SIL1: variants seen among roughly 807,000 people sequenced by gnomAD.
The protein encoded by SIL1 is nucleotide exchange factor SIL1.
SIL1 carries 40 observed loss-of-function variants against 49.1 expected under a neutral mutation model. The observed-to-expected ratio is 0.81, with a 90% CI of 0.63 to 1.06. The LOEUF (loss-of-function observed/expected upper bound fraction) is 1.06, where lower values mean the gene tolerates loss of function less well. Ranked by LOEUF, SIL1 falls within the 50% of genes least tolerant of loss-of-function variation. SIL1 has a pLI of 0.00. For missense variants in SIL1, 500 were observed against 572.6 expected, an observed-to-expected ratio of 0.87 and a Z score of 1.29; for synonymous variants, 253 against 250.8, an observed-to-expected ratio of 1.01 and a Z score of -0.08.
At chr5:138,953,809 C>A (rs1233177101) in intron 7 of SIL1, among the ~76,000 whole-genome samples, 1 of 152,182 alleles carries the variant, frequency 6.6e-6, no homozygotes, top group Non-Finnish European at 1.5e-5. Flanking sequence ...GAGAAGACGA[C>A]CACGCTGAGA....
chr5:138,985,585 G>A (rs1216042686), intron 7 of SIL1, among the ~76,000 whole-genome samples: 1 of 152,158 alleles, frequency 6.6e-6, no homozygotes, highest in Non-Finnish European at 1.5e-5. Context: ...GGAACTCAGG[G>A]CACACTTCTC....
In SIL1 at chr5:139,021,093, C is replaced by G; in HGVS notation, c.767+78G>C. 8 of 1,580,552 alleles carry G rather than the reference C, an allele frequency of 5.1e-6. 1 individual carries two copies. The South Asian group carries it at 8.9e-5, about 17-fold the overall frequency. On this transcript the variant is annotated intron_variant, in intron 7 of 9. Coordinates refer to ENST00000394817, the MANE Select transcript of SIL1 (RefSeq NM_022464.5). The stretch of plus-strand genomic sequence containing the variant: ...ACACTGAAATGTCAGTAGCAACAGG[C>G]ACATTCAAGTGTACCCTTCTTCCAA...
intron 1 of SIL1, among the ~76,000 whole-genome samples, chr5:139,172,769 G>A (rs756845027): frequency 2.4e-4 from 37 of 152,074 alleles, no homozygotes; most frequent in Non-Finnish European, 4.1e-4. Context: ...GATGGCAGCC[G>A]CAATGGCTGC....
At chr5:138,969,060 C>T (rs1767214492) in intron 7 of SIL1, among the ~76,000 whole-genome samples, 1 of 152,100 alleles carries the variant, frequency 6.6e-6, no homozygotes, top group Admixed American at 6.6e-5. Context: ...CTAGGAATGT[C>T]TGTATTTGCT....
chr5:139,132,971 T>G (rs1354418000), intron 1 of SIL1, among the ~76,000 whole-genome samples: 1 of 152,146 alleles, frequency 6.6e-6, no homozygotes, highest in Non-Finnish European at 1.5e-5. Flanking sequence ...AGGCACAGTT[T>G]GGCACACCTG....
intron 1 of SIL1, chr5:139,187,713 A>AAC (rs1554138117): frequency 6.6e-6 from 1 of 151,704 alleles, no homozygotes; most frequent in East Asian, 1.9e-4. Flanking sequence ...TTGGAACACC[A>AAC]ACAACCTGAT....
In SIL1 at chr5:139,055,237, T is replaced by C. The variant is rs560410772; in HGVS notation, c.245-4191A>G. On this transcript the variant is annotated intron_variant, in intron 3 of 9. Transcript: ENST00000394817. ...CCATATTAAGCAGAAGCCCTGTCCATATTGAGTAAGGCCACCTCATGCTTG... is the reference window on the plus strand; with the variant it reads ...CCATATTAAGCAGAAGCCCTGTCCACATTGAGTAAGGCCACCTCATGCTTG... Among the ~76,000 whole-genome samples the C allele has an allele frequency of 6.5e-4, 99 of 152,268 alleles. 1 individual carries two copies. Among genetic ancestry groups the C allele is most frequent in the African/African-American group, 2.4e-3 (98 of 41,568 alleles).
intron 2 of SIL1, among the ~76,000 whole-genome samples, chr5:139,126,143 T>C (rs1274015489): frequency 6.6e-6 from 1 of 152,228 alleles, no homozygotes; most frequent in East Asian, 1.9e-4. Flanking sequence ...TTTTATGGTA[T>C]GAGAGAAAAG....
At chr5:139,134,059 G>A (rs1750922714) in intron 1 of SIL1, among the ~76,000 whole-genome samples, 1 of 152,146 alleles carries the variant, frequency 6.6e-6, no homozygotes, top group Admixed American at 6.5e-5. Flanking sequence ...ATAAAGCAAT[G>A]AATAGGAAGT....
chr5:139,107,117 G>T lies in SIL1; in HGVS notation c.244+13918C>A, dbSNP rs1248763340. 2.0e-5 allele frequency among the ~76,000 whole-genome samples: 3 copies of T among 152,182 alleles called. No homozygotes were observed. In the East Asian group the frequency reaches 5.8e-4, roughly 29 times the overall value. ...GCCCCGCTGCAGGATCTGATCTGGG[G>T]TGTGTGTCTGCATTGCTATCTGACC... On this transcript the variant is annotated intron_variant, in intron 3 of 9. Transcript: ENST00000394817.
intron 1 of SIL1, among the ~76,000 whole-genome samples, chr5:139,148,822 C>G (rs1262878367): frequency 4.6e-5 from 7 of 152,178 alleles, no homozygotes; most frequent in African/African-American, 1.4e-4. Flanking sequence ...ATCACTCAGC[C>G]CCTTCCTACA....
At chr5:139,187,497 A>T (rs1752095974) in intron 1 of SIL1, among the ~76,000 whole-genome samples, 1 of 150,942 alleles carries the variant, frequency 6.6e-6, no homozygotes, top group Admixed American at 6.6e-5. Flanking sequence ...AGCCTGGGGC[A>T]ACAGAGCAAG....
chr5:138,992,126 A>G (rs559295713), intron 7 of SIL1, among the ~76,000 whole-genome samples: 36 of 152,340 alleles, frequency 2.4e-4, no homozygotes, highest in South Asian at 2.1e-3. Flanking sequence ...TCACTACACG[A>G]CTATGGGTGC....
intron 2 of SIL1, among the ~76,000 whole-genome samples, chr5:139,125,541 A>G (rs1429717275): frequency 6.6e-6 from 1 of 152,206 alleles, no homozygotes; most frequent in Non-Finnish European, 1.5e-5. Context: ...AAACCATAGA[A>G]GCAGCATCCC....
intron 1 of SIL1, among the ~76,000 whole-genome samples, chr5:139,178,479 A>C (rs938249421): frequency 6.6e-6 from 1 of 152,018 alleles, no homozygotes; most frequent in Non-Finnish European, 1.5e-5. Flanking sequence ...CTCCAACCTC[A>C]GCTGGCTCCT....
intron 7 of SIL1, among the ~76,000 whole-genome samples, chr5:138,997,023 C>A (rs920422228): frequency 2.6e-5 from 4 of 152,150 alleles, no homozygotes; most frequent in African/African-American, 9.7e-5. Flanking sequence ...ACCTTGAATT[C>A]CAGGGCTCAA....
chr5:139,165,364 T>C lies in SIL1; in HGVS notation c.-11+32905A>G, dbSNP rs149652887. 2.6e-5 allele frequency among the ~76,000 whole-genome samples: 4 copies of C among 152,322 alleles called. No individual in the cohort carries two copies. In the East Asian group the frequency reaches 7.7e-4, roughly 29 times the overall value. On this transcript the variant is annotated intron_variant, in intron 1 of 9. Transcript: ENST00000394817. ...ATGTATTTCTTGTTTGTTTGTTTTT[T>C]TGAGATGGAGTTTCATTCTTGTTGC... is the stretch of plus-strand genomic sequence containing the variant.
At chr5:139,072,315 G>A (rs1030414501) in intron 3 of SIL1, among the ~76,000 whole-genome samples, 3 of 152,172 alleles carry the variant, frequency 2.0e-5, no homozygotes, top group South Asian at 2.1e-4. Context: ...ATTCAAACAC[G>A]TACTAACACA....
intron 3 of SIL1, among the ~76,000 whole-genome samples, chr5:139,085,261 T>C (rs1770190284): frequency 6.6e-6 from 1 of 152,052 alleles, no homozygotes; most frequent in Non-Finnish European, 1.5e-5. Flanking sequence ...AGTGAGTGTG[T>C]ACAGGACCAC....
Sources: allele counts gnomAD v4.1 joint callset (sites outside exome capture counted in the v4.1 genomes callset), GRCh38; gene constraint gnomAD v4.1.1; transcripts MANE v1.5; gene names NCBI Gene and HGNC (gene_info 2026-07-23, HGNC 2026-07-21).